HIPK2: variants seen among roughly 807,000 people sequenced by gnomAD.
The protein encoded by HIPK2 is homeodomain interacting protein kinase 2.
Under a neutral mutation model 113.7 loss-of-function variants are expected in HIPK2, and 27 were observed. The ratio of observed to expected loss-of-function variants is 0.24; its 90% CI spans 0.17 to 0.33. The LOEUF (loss-of-function observed/expected upper bound fraction) is 0.33, where lower values mean the gene tolerates loss of function less well. HIPK2 is among the 10% of genes least tolerant of loss of function. The pLI, the probability that HIPK2 is intolerant of heterozygous loss-of-function variation, is 1.00. For synonymous variants in HIPK2, 631 were observed against 642.2 expected (o/e 0.98, Z 0.26); for missense variants, 1,257 against 1,588.0 (o/e 0.79, Z 3.54).
At chr7:139,737,063 A>T in intron 1 of HIPK2, among the ~76,000 whole-genome samples, 1 of 152,268 alleles carries the variant, frequency 6.6e-6, no homozygotes, top group East Asian at 1.9e-4. Flanking sequence ...ATTCCGTTTT[A>T]GTTAAGCAGA....
chr7:139,712,026 G>A (rs1795082690), intron 2 of HIPK2, among the ~76,000 whole-genome samples: 1 of 152,078 alleles, frequency 6.6e-6, no homozygotes. Context: ...TTCTCCCAGG[G>A]TACTCCCAGG....
At chr7:139,772,020 T>C (rs772441911) in intron 1 of HIPK2, among the ~76,000 whole-genome samples, 4 of 152,178 alleles carry the variant, frequency 2.6e-5, no homozygotes, top group Non-Finnish European at 4.4e-5. Flanking sequence ...AATAATTAAA[T>C]AAATAATGAA....
chr7:139,659,832 T>G (rs1801806739), intron 2 of HIPK2, among the ~76,000 whole-genome samples: 1 of 152,216 alleles, frequency 6.6e-6, no homozygotes, highest in Non-Finnish European at 1.5e-5. Context: ...CAGTTCTCCC[T>G]GATCCCTCTA....
At chr7:139,676,677 T>G (rs893632368) in intron 2 of HIPK2, among the ~76,000 whole-genome samples, 9 of 152,130 alleles carry the variant, frequency 5.9e-5, no homozygotes, top group Non-Finnish European at 1.2e-4. Flanking sequence ...TTTTCTGCAA[T>G]GAAACACTCA....
intron 12 of HIPK2, among the ~76,000 whole-genome samples, chr7:139,589,072 C>T (rs1026658420): frequency 6.6e-6 from 1 of 152,148 alleles, no homozygotes; most frequent in Non-Finnish European, 1.5e-5. Flanking sequence ...AGGCTGACTC[C>T]CAAATGTGTC....
chr7:139,655,451 C>T (rs1801632043), intron 2 of HIPK2, among the ~76,000 whole-genome samples: 1 of 152,190 alleles, frequency 6.6e-6, no homozygotes, highest in Non-Finnish European at 1.5e-5. Flanking sequence ...TGGCTGTAGA[C>T]AGAAGGCGTG....
At chr7:139,710,802 T>C (rs968660617) in intron 2 of HIPK2, among the ~76,000 whole-genome samples, 1 of 152,192 alleles carries the variant, frequency 6.6e-6, no homozygotes, top group Non-Finnish European at 1.5e-5. Flanking sequence ...CACTTCCCCC[T>C]TGCTGTTCTT....
Position 139,570,385 on chromosome 7 carries a change from C to A in HIPK2, c.*2542G>T, listed in dbSNP as rs924784353. 2.0e-5 allele frequency: 3 copies of A among 152,244 alleles called. No homozygotes were observed. Among genetic ancestry groups the A allele is most frequent in the Non-Finnish European group, 4.4e-5 (3 of 68,088 alleles). The allele number at this position is 152,244 out of a possible 1,614,324, so 9.4% of individuals were successfully genotyped here. A position where few individuals can be genotyped will look rare whatever the true frequency, so the allele number is the denominator to read the frequency against. On this transcript the variant is annotated 3_prime_UTR_variant, in exon 15 of 15. Transcript: ENST00000406875. ...TGTCTCAGAGGGCTGCGCTTCCCCA[C>A]CTCCAGATAAAGACAGTATTGATAA...
chr7:139,710,778 G>A (rs988802507), intron 2 of HIPK2, among the ~76,000 whole-genome samples: 1 of 152,172 alleles, frequency 6.6e-6, no homozygotes, highest in Admixed American at 6.5e-5. Flanking sequence ...AAAGATGACT[G>A]AGTCATGGGG....
intron 1 of HIPK2, among the ~76,000 whole-genome samples, chr7:139,738,344 C>G (rs1007199762): frequency 4.6e-5 from 7 of 152,246 alleles, no homozygotes; most frequent in African/African-American, 9.6e-5. Flanking sequence ...CAGAGGAGCT[C>G]TGTGTGCTGC....
chr7:139,730,449 C>T (rs1388453394), intron 1 of HIPK2, among the ~76,000 whole-genome samples: 1 of 150,662 alleles, frequency 6.6e-6, no homozygotes, highest in Non-Finnish European at 1.5e-5. Context: ...CAACCTCCAC[C>T]TCCCAGGTTC....
chr7:139,731,582 TG>T (rs1795784366), intron 1 of HIPK2, among the ~76,000 whole-genome samples: 1 of 152,184 alleles, frequency 6.6e-6, no homozygotes, highest in Non-Finnish European at 1.5e-5. Context: ...AACACCTGTT[TG>T]CACACCCCTT....
rs1425722069 is a variant in HIPK2, at chr7:139,563,021, G to C, written c.*9906C>G. The C allele has an allele frequency of 6.6e-6, 1 of 151,986 alleles. No individual in the cohort carries two copies. Among genetic ancestry groups the C allele is most frequent in the Non-Finnish European group, 1.5e-5 (1 of 68,008 alleles). 9.4% of individuals were successfully genotyped at this position (151,986 alleles called of 1,614,324 possible). ...GCTAGAGATGACTGTGCCCTGGAAA[G>C]TCCATGGAAGAAGCTTGAAGTGAGC... On this transcript the variant is annotated 3_prime_UTR_variant, in exon 15 of 15. Coordinates refer to ENST00000406875, the MANE Select transcript of HIPK2 (RefSeq NM_022740.5).
chr7:139,627,188 A>G lies in HIPK2; in HGVS notation c.1435-403T>C, dbSNP rs532077479. 5.9e-5 allele frequency among the ~76,000 whole-genome samples: 9 copies of G among 152,280 alleles called. 1 individual carries two copies. The South Asian group carries it at 1.7e-3, about 28-fold the overall frequency. On this transcript the variant is annotated intron_variant, in intron 5 of 14. Transcript: ENST00000406875. The stretch of plus-strand genomic sequence containing the variant: ...ACAATGGGAGTGTTAATACTATTGA[A>G]CTGTACCCTTAACAAAGGCTAAGAT...
chr7:139,666,113 T>A (rs1351165309), intron 2 of HIPK2, among the ~76,000 whole-genome samples: 1 of 152,092 alleles, frequency 6.6e-6, no homozygotes, highest in East Asian at 1.9e-4. Context: ...GAGAAAAGCG[T>A]AGGGATGACA....
chr7:139,682,921 C>T (rs1794092004), intron 2 of HIPK2, among the ~76,000 whole-genome samples: 1 of 152,192 alleles, frequency 6.6e-6, no homozygotes, highest in African/African-American at 2.4e-5. Context: ...TGGAGGGCCC[C>T]CTGGCATCAC....
rs1297972311 is a variant in HIPK2, at chr7:139,644,102, T to C, written c.1104-12377A>G. On this transcript the variant is annotated intron_variant, in intron 2 of 14. Coordinates refer to ENST00000406875, the MANE Select transcript of HIPK2 (RefSeq NM_022740.5). ...CCAGAGAAATGGAACCATGTGTCTC[T>C]GCAGGTGCCTATCTATGTAATCTTT... Among the ~76,000 whole-genome samples the C allele has an allele frequency of 2.6e-5, 4 of 152,260 alleles. No homozygotes were observed. The East Asian group carries it at 7.7e-4, about 29-fold the overall frequency.
In HIPK2 at chr7:139,631,100, G is replaced by T; in HGVS notation, c.1347+65C>A. 6.5e-7 allele frequency: 1 copy of T among 1,533,966 alleles called. No homozygotes were observed. The highest frequency in any genetic ancestry group is 2.4e-5 in the East Asian group (1 of 41,400). ...ACTGAATCAAAAGCTCCCCACTAAT[G>T]GGTCTACGGCCCTCTTCCCTAAGCG... On this transcript the variant is annotated intron_variant, in intron 4 of 14. Transcript: ENST00000406875. The surrounding 1 kb of genome is among the most constrained non-coding windows in gnomAD (Gnocchi z 4.9).
intron 2 of HIPK2, among the ~76,000 whole-genome samples, chr7:139,707,207 A>T (rs1181389915): frequency 6.6e-6 from 1 of 152,210 alleles, no homozygotes; most frequent in Non-Finnish European, 1.5e-5. Context: ...TCTCCTAAAC[A>T]GGCGATCTGC....
Sources: gnomAD v4.1 joint callset for allele counts (sites outside exome capture counted in the v4.1 genomes callset) on GRCh38, gnomAD v4.1.1 for gene constraint, Gnocchi (gnomAD v3.1) non-coding constraint, MANE v1.5 for transcripts, NCBI Gene and HGNC (gene_info 2026-07-23, HGNC 2026-07-21) for gene names.